The following EYS variants were observed in gnomAD, a reference collection of about 807,000 sequenced individuals.
EYS encodes the protein protein eyes shut homolog.
EYS carries 250 observed loss-of-function variants against 282.1 expected under a neutral mutation model. The observed-to-expected ratio is 0.89, with a 90% confidence interval of 0.80 to 0.98. EYS has a LOEUF of 0.98. Among genes scored for constraint, EYS ranks in the 50% least tolerant of loss-of-function variants. The pLI is 0.00. For missense variants in EYS, 4,016 were observed against 3,709.0 expected, an observed-to-expected ratio of 1.08 and a Z score of -2.15; for synonymous variants, 1,355 against 1,282.9, an observed-to-expected ratio of 1.06 and a Z score of -1.20.
At chr6:64,338,836 T>TA (rs1170646523) in intron 29 of EYS, among the ~76,000 whole-genome samples, 1 of 151,916 alleles carries the variant, frequency 6.6e-6, no homozygotes, top group Non-Finnish European at 1.5e-5. Flanking sequence ...CTCAAATACT[T>TA]ACAGCCAACT....
At chr6:63,721,877 G>A in intron 42 of EYS, 80 bp from the exon 43 acceptor site, 3 of 1,348,212 alleles carry the variant, frequency 2.2e-6, no homozygotes, top group Non-Finnish European at 3.0e-6. Context: ...TGGCCAAGTT[G>A]GATAAGTTTT....
chr6:65,125,537 AAT>A (rs1353406037), intron 12 of EYS, among the ~76,000 whole-genome samples: 4 of 152,186 alleles, frequency 2.6e-5, no homozygotes, highest in Admixed American at 6.6e-5. Context: ...TTCTTTTGAT[AAT>A]ATATGTCTAT....
rs547162729 is a variant in EYS at position 64,248,125 on chromosome 6, C to T, written c.6192-17301G>A. ...GCCAGATTAAGTTATGTGTTTAAAACCTAGAGGAATGAGACAGCATGCATG... is the reference window on the plus strand; with the variant it reads ...GCCAGATTAAGTTATGTGTTTAAAATCTAGAGGAATGAGACAGCATGCATG... On this transcript the variant is annotated intron_variant, in intron 30 of 42. Coordinates refer to ENST00000503581, the MANE Select transcript of EYS (RefSeq NM_001142800.2). Among the ~76,000 whole-genome samples the T allele has an allele frequency of 2.0e-5, 3 of 151,670 alleles. No individual in the cohort carries two copies. In the East Asian group the frequency reaches 5.8e-4, roughly 29 times the overall value.
chr6:65,635,538 T>C (rs1767055987), intron 2 of EYS, among the ~76,000 whole-genome samples: 1 of 152,102 alleles, frequency 6.6e-6, no homozygotes, highest in Non-Finnish European at 1.5e-5. Context: ...TGTATCAAAC[T>C]CCTGGATTCA....
intron 1 of EYS, among the ~76,000 whole-genome samples, chr6:65,685,008 C>T (rs1001551611): frequency 4.6e-5 from 7 of 151,958 alleles, no homozygotes; most frequent in African/African-American, 1.7e-4. Context: ...ATGTATAGGG[C>T]TTCTATGGCC....
At chr6:63,898,581 A>G (rs167688) in intron 35 of EYS, among the ~76,000 whole-genome samples, 136,330 of 151,916 alleles carry the variant, frequency 0.9, 61,708 homozygotes, top group Non-Finnish European at 0.95. Context: ...TTTTAAAGAT[A>G]TAATTTTTAA....
Position 64,591,629 on chromosome 6 carries a change from T to G in EYS, c.4238A>C (p.Asn1413Thr), listed in dbSNP as rs911102553. Reference sequence around the variant, plus strand: ...AGCAGATAAAGCAACAGTCTGACAGTTCTCAAATAATAAAGATTGTGTAGG... The same window carrying G: ...AGCAGATAAAGCAACAGTCTGACAGGTCTCAAATAATAAAGATTGTGTAGG... ...IFPTQSLLFE[N>T]CQTVALSATP... is the part of the protein sequence containing the mutation. Residue 1413 changes from asparagine to threonine, a missense_variant, in exon 26 of 43, where the codon AAC (asparagine) becomes ACC (threonine). By Grantham distance (65) the Asn-to-Thr change is moderately conservative (BLOSUM62 0). Coordinates refer to ENST00000503581, the MANE Select transcript of EYS (RefSeq NM_001142800.2). 6.4e-7 allele frequency: 1 copy of G among 1,551,176 alleles called. No homozygotes were observed. The highest frequency in any genetic ancestry group is 8.7e-7 in the Non-Finnish European group (1 of 1,146,740).
At position 64,089,442 on chromosome 6, in the gene EYS, GATTATA is replaced by G. The variant is rs148600905; in HGVS notation, c.6425-7446_6425-7441del. Among the ~76,000 whole-genome samples the G allele has an allele frequency of 6.5e-3, 971 of 149,178 alleles. 8 individuals are homozygous for G. The highest frequency in any genetic ancestry group is 0.031 in the East Asian group (157 of 5,126). ...AATTTTCAGTGATTACAATTAAAAT[GATTATA>G]ATTATGATTATCAATATCTTAAATA... is the stretch of plus-strand genomic sequence containing the variant. On this transcript the variant is annotated intron_variant, in intron 31 of 42. Coordinates refer to ENST00000503581, the MANE Select transcript of EYS (RefSeq NM_001142800.2).
At chr6:64,072,641 C>T in intron 32 of EYS, among the ~76,000 whole-genome samples, 1 of 151,816 alleles carries the variant, frequency 6.6e-6, no homozygotes, top group Non-Finnish European at 1.5e-5. Flanking sequence ...GGCGGTTCTT[C>T]TTTCTTGAAT....
At chr6:64,089,667 C>A (rs946930436) in intron 31 of EYS, among the ~76,000 whole-genome samples, 1 of 151,872 alleles carries the variant, frequency 6.6e-6, no homozygotes, top group East Asian at 1.9e-4. Context: ...ATTAGACATT[C>A]ACATTTCTAT....
intron 30 of EYS, among the ~76,000 whole-genome samples, chr6:64,251,337 A>G (rs1767209277): frequency 6.6e-6 from 1 of 152,126 alleles, no homozygotes; most frequent in African/African-American, 2.4e-5. Context: ...TACTAGAACT[A>G]TTTCAGGTGA....
chr6:65,653,563 A>G (rs1221214889), intron 1 of EYS, among the ~76,000 whole-genome samples: 1 of 151,896 alleles, frequency 6.6e-6, no homozygotes, highest in African/African-American at 2.4e-5. Context: ...CGTATTCACA[A>G]CATTTAAATT....
At chr6:65,417,536 C>G (rs72888686) in intron 5 of EYS, among the ~76,000 whole-genome samples, 8 of 152,046 alleles carry the variant, frequency 5.3e-5, no homozygotes, top group Non-Finnish European at 1.0e-4. Context: ...AATTTTTTTT[C>G]TCTAAAGAAG....
At chr6:65,075,764 A>G (rs562684167) in intron 12 of EYS, among the ~76,000 whole-genome samples, 30 of 152,106 alleles carry the variant, frequency 2.0e-4, no homozygotes, top group Admixed American at 2.0e-3. Context: ...AATTATAGCA[A>G]CTCTTGGAGA....
chr6:65,528,191 T>G (rs1323788099), intron 2 of EYS, among the ~76,000 whole-genome samples: 3 of 152,202 alleles, frequency 2.0e-5, no homozygotes, highest in Non-Finnish European at 2.9e-5. Context: ...AATGTCCATA[T>G]TGTGGAATTC....
chr6:65,576,010 A>G (rs1359558322), intron 2 of EYS, among the ~76,000 whole-genome samples: 1 of 152,076 alleles, frequency 6.6e-6, no homozygotes, highest in East Asian at 1.9e-4. Flanking sequence ...TCTAGCAAAC[A>G]ATTAACACCA....
intron 36 of EYS, among the ~76,000 whole-genome samples, chr6:63,839,477 G>T (rs1315268439): frequency 6.6e-6 from 1 of 152,066 alleles, no homozygotes; most frequent in African/African-American, 2.4e-5. Flanking sequence ...TGGGCACTTA[G>T]GTTGATTTTA....
At chr6:64,442,034 CAGA>C (rs1313088677) in intron 26 of EYS, among the ~76,000 whole-genome samples, 1 of 152,026 alleles carries the variant, frequency 6.6e-6, no homozygotes, top group East Asian at 1.9e-4. Flanking sequence ...TTGGAGGGCT[CAGA>C]AGAAGACAGG....
At chr6:64,073,078 G>A (rs1771648154) in intron 32 of EYS, among the ~76,000 whole-genome samples, 1 of 151,866 alleles carries the variant, frequency 6.6e-6, no homozygotes, top group African/African-American at 2.4e-5. Context: ...ATTATGGACT[G>A]TAGCTGCTTT....
Sources: allele counts gnomAD v4.1 joint callset (sites outside exome capture counted in the v4.1 genomes callset), GRCh38; gene constraint gnomAD v4.1.1; transcripts MANE v1.5; gene names NCBI Gene and HGNC (gene_info 2026-07-23, HGNC 2026-07-21).